The following MGAT4C variants were observed in gnomAD, a reference collection of about 807,000 sequenced individuals.
MGAT4C encodes MGAT4 family member C.
A neutral mutation model predicts 40.1 loss-of-function variants in MGAT4C; 19 were observed. The observed-to-expected ratio is 0.47, with a 90% CI of 0.33 to 0.70. The LOEUF is 0.70. MGAT4C is among the 30% of genes least tolerant of loss of function. The pLI, the probability that MGAT4C is intolerant of heterozygous loss-of-function variation, is 0.02. For synonymous variants in MGAT4C, 181 were observed against 187.1 expected (o/e 0.97, Z 0.27); for missense variants, 491 against 563.2 (o/e 0.87, Z 1.30).
rs570550026 is a variant in MGAT4C at position 86,523,700 on chromosome 12, C to T, written c.-228-88435G>A. On this transcript the variant is annotated intron_variant, in intron 2 of 7. Coordinates refer to the MGAT4C transcript ENST00000548651. ...GTCAGTGGGGTTGTAAAGCATCTCA[C>T]TATTATTGTGCAGGAGTTTAAGTCT... Among the ~76,000 whole-genome samples, 4 of 152,180 alleles carry T rather than the reference C, an allele frequency of 2.6e-5. No individual in the cohort carries two copies. In the South Asian group the frequency reaches 6.2e-4, roughly 24 times the overall value.
chr12:86,545,988 G>C lies in MGAT4C; in HGVS notation c.-228-110723C>G, dbSNP rs867233826. On this transcript the variant is annotated intron_variant, in intron 2 of 7. Transcript: ENST00000548651. ...TTCTTATCATGATATAAAATTACCA[G>C]AAACATTTTAAAGGTTATTTGCTAT... is the stretch of plus-strand genomic sequence containing the variant. 7.9e-5 allele frequency among the ~76,000 whole-genome samples: 12 copies of C among 151,900 alleles called. 1 individual carries two copies. In the Middle Eastern group the frequency reaches 0.02, roughly 258 times the overall value.
intron 1 of MGAT4C, among the ~76,000 whole-genome samples, chr12:86,241,745 T>C (rs190512586): frequency 1.3e-5 from 2 of 152,306 alleles, no homozygotes; most frequent in East Asian, 1.9e-4. Context: ...AAGCACTTTA[T>C]AAAGTGCCTC....
chr12:86,625,652 G>A (rs929027410), intron 2 of MGAT4C, among the ~76,000 whole-genome samples: 1 of 151,942 alleles, frequency 6.6e-6, no homozygotes, highest in Non-Finnish European at 1.5e-5. Flanking sequence ...AGATATATTG[G>A]GAGTCCTGTA....
chr12:86,258,827 G>C (rs1411987493), upstream of MGAT4C, among the ~76,000 whole-genome samples: 3 of 151,694 alleles, frequency 2.0e-5, no homozygotes, highest in Non-Finnish European at 4.4e-5. Context: ...AAAATTATTG[G>C]CTTATACTTT....
chr12:86,344,716 CGGT>C (rs1954982144), intron 3 of MGAT4C, among the ~76,000 whole-genome samples: 1 of 94,108 alleles, frequency 1.1e-5, no homozygotes, highest in South Asian at 4.0e-4. Context: ...TATCTCTTCT[CGGT>C]GTGTGTGTGT....
rs1489780167 is a variant in MGAT4C at position 86,503,792 on chromosome 12, A to ATATATATATG, written c.-228-68528_-228-68527insCATATATATA. Among the ~76,000 whole-genome samples, 2 of 115,120 alleles carry ATATATATATG rather than the reference A, an allele frequency of 1.7e-5. 1 individual carries two copies. The highest frequency in any genetic ancestry group is 3.7e-5 in the Non-Finnish European group (2 of 54,662). 75.5% of individuals were successfully genotyped at this position (115,120 alleles called of 152,430 possible). A position where few individuals can be genotyped will look rare whatever the true frequency, so the allele number is the denominator to read the frequency against. ...TATATATATAGAGTTCTGCTCATAT[A>ATATATATATG]TATATATATATATATATATATGAGT... On this transcript the variant is annotated intron_variant, in intron 2 of 7. Coordinates refer to the MGAT4C transcript ENST00000548651.
At chr12:86,489,998 T>G (rs1013037929) in intron 2 of MGAT4C, among the ~76,000 whole-genome samples, 14 of 152,268 alleles carry the variant, frequency 9.2e-5, no homozygotes, top group African/African-American at 2.9e-4. Context: ...GAAAACACTC[T>G]GCAGGATATC....
At chr12:86,702,421 A>C (rs1232269878) in intron 2 of MGAT4C, among the ~76,000 whole-genome samples, 1 of 152,156 alleles carries the variant, frequency 6.6e-6, no homozygotes, top group Admixed American at 6.6e-5. Context: ...ATGAAGGAAA[A>C]GTCAATGCCT....
intron 2 of MGAT4C, among the ~76,000 whole-genome samples, chr12:86,696,116 G>T (rs1424840276): frequency 6.6e-6 from 1 of 151,992 alleles, no homozygotes. Flanking sequence ...GGAGGCTAAG[G>T]CAGGAGAGTT....
At chr12:86,150,988 G>C (rs1016167881) in intron 1 of MGAT4C, among the ~76,000 whole-genome samples, 4 of 152,198 alleles carry the variant, frequency 2.6e-5, no homozygotes, top group Non-Finnish European at 4.4e-5. Context: ...TGCAATGCCA[G>C]TGCAATTGAA....
At chr12:86,767,419 G>A (rs577779784) in intron 1 of MGAT4C, among the ~76,000 whole-genome samples, 3 of 152,266 alleles carry the variant, frequency 2.0e-5, no homozygotes, top group South Asian at 4.1e-4. Flanking sequence ...ATTCACAGCT[G>A]AATTCTACCA....
intron 1 of MGAT4C, among the ~76,000 whole-genome samples, chr12:86,245,479 G>GT (rs1261958300): frequency 6.6e-6 from 1 of 152,136 alleles, no homozygotes; most frequent in Non-Finnish European, 1.5e-5. Flanking sequence ...TCCTCAAATT[G>GT]TTTTTGGGTC....
At chr12:86,742,798 T>G (rs939432063) in intron 1 of MGAT4C, among the ~76,000 whole-genome samples, 4 of 151,582 alleles carry the variant, frequency 2.6e-5, no homozygotes, top group Non-Finnish European at 5.9e-5. Flanking sequence ...CATCTTGGCA[T>G]GTAATCAATA....
chr12:86,754,157 G>A (rs1951265232), intron 1 of MGAT4C, among the ~76,000 whole-genome samples: 1 of 152,010 alleles, frequency 6.6e-6, no homozygotes, highest in South Asian at 2.1e-4. Context: ...TGACTCCTCA[G>A]TAAAATATAA....
intron 1 of MGAT4C, among the ~76,000 whole-genome samples, chr12:86,771,216 A>C (rs1245502837): frequency 3.3e-5 from 5 of 152,132 alleles, no homozygotes; most frequent in African/African-American, 1.2e-4. Context: ...TCAGACTCCT[A>C]GCCTACAGAA....
At chr12:86,155,705 T>G (rs1193389163) in intron 1 of MGAT4C, among the ~76,000 whole-genome samples, 1 of 152,198 alleles carries the variant, frequency 6.6e-6, no homozygotes, top group Non-Finnish European at 1.5e-5. Flanking sequence ...CAATTATTTA[T>G]ATATTCTATA....
At chr12:86,057,431 C>T (rs1375976691) in intron 1 of MGAT4C, among the ~76,000 whole-genome samples, 1 of 152,148 alleles carries the variant, frequency 6.6e-6, no homozygotes, top group Non-Finnish European at 1.5e-5. Context: ...ATTTCTTAGC[C>T]ATATATTTTA....
At chr12:86,408,469 CTCTCTCTCTCTATATATATATA>C (rs919852065) in intron 3 of MGAT4C, among the ~76,000 whole-genome samples, 3 of 109,382 alleles carry the variant, frequency 2.7e-5, no homozygotes, top group East Asian at 5.6e-4. Context: ...CTCTCTCTCT[CTCTCTCTCTCTATATATATATA>C]TATATATATA....
chr12:86,418,712 G>A (rs1190451550), intron 3 of MGAT4C, among the ~76,000 whole-genome samples: 1 of 152,024 alleles, frequency 6.6e-6, no homozygotes, highest in Non-Finnish European at 1.5e-5. Flanking sequence ...GCAAAGAACT[G>A]AGCTCATCAG....
Sources: allele counts gnomAD v4.1 joint callset (sites outside exome capture counted in the v4.1 genomes callset), GRCh38; gene constraint gnomAD v4.1.1; transcripts MANE v1.5; gene names NCBI Gene and HGNC (gene_info 2026-07-23, HGNC 2026-07-21).